MTR: variants seen among roughly 807,000 people sequenced by gnomAD.
MTR encodes the protein methionine synthase.
Under a neutral mutation model 154.8 loss-of-function variants are expected in MTR, and 84 were observed. That is an observed-to-expected ratio of 0.54 (90% CI 0.45 to 0.65). MTR has a LOEUF of 0.65. Among genes scored for constraint, MTR ranks in the 30% least tolerant of loss-of-function variants. MTR has a pLI of 0.00. For missense variants in MTR, 1,275 were observed against 1,570.2 expected (o/e 0.81, Z 3.18); for synonymous variants, 554 against 553.9 (o/e 1.00, Z 0.00).
Position 236,889,188 on chromosome 1 carries a change from C to T in MTR, c.2859C>T (p.Pro953=). Residue 953 remains proline, a synonymous_variant, in exon 28 of 33, where the codon CCC becomes CCT. Transcript: ENST00000366577. ...CATACTTCTCTCCTGTAGTGAAGCC[C>T]ACGTTTATTGGGACCCAGGTCTTTG... The part of the protein sequence containing the change: ...DWLSEPHPVK[P]TFIGTQVFED... The T allele has an allele frequency of 6.2e-7, 1 of 1,614,148 alleles. No homozygotes were observed. The highest frequency in any genetic ancestry group is 8.5e-7 in the Non-Finnish European group (1 of 1,180,030).
intron 2 of MTR, 97 bp downstream of exon 2, chr1:236,803,739 T>A (rs1402182522): frequency 2.5e-6 from 3 of 1,186,506 alleles, no homozygotes. Context: ...CTCCGGAGAA[T>A]AAAGAATAAA....
intron 27 of MTR, among the ~76,000 whole-genome samples, chr1:236,888,192 C>T (rs1368139282): frequency 6.6e-6 from 1 of 152,142 alleles, no homozygotes; most frequent in Admixed American, 6.5e-5. Flanking sequence ...TAGGAAGTTC[C>T]CTGATCCCTG....
chr1:236,861,797 G>T (rs1664560205), intron 20 of MTR, among the ~76,000 whole-genome samples: 1 of 152,158 alleles, frequency 6.6e-6, no homozygotes, highest in Admixed American at 6.5e-5. Context: ...TGGCTGTGCG[G>T]CATTTGAGAA....
chr1:236,805,374 A>G (rs1660921816), intron 2 of MTR, among the ~76,000 whole-genome samples: 1 of 152,188 alleles, frequency 6.6e-6, no homozygotes, highest in Non-Finnish European at 1.5e-5. Context: ...CTGAGATGGT[A>G]TACTTCTCGG....
At chr1:236,870,563 T>G (rs1558325895) in intron 22 of MTR, among the ~76,000 whole-genome samples, 1 of 152,168 alleles carries the variant, frequency 6.6e-6, no homozygotes, top group African/African-American at 2.4e-5. Flanking sequence ...GTGCTGCTGG[T>G]ACAGGAGCAC....
Position 236,828,290 on chromosome 1 carries a change from T to A in MTR, c.996-899T>A, listed in dbSNP as rs564202986. On this transcript the variant is annotated intron_variant, in intron 11 of 32. Transcript: ENST00000366577. ...CCGCGCCTGGCCTAAATGATAATTT[T>A]AAAAATATCTTGTAAATAATTTCTG... Among the ~76,000 whole-genome samples the A allele has an allele frequency of 7.0e-4, 106 of 152,342 alleles. No individual in the cohort carries two copies. The South Asian group carries it at 0.021, about 30-fold the overall frequency.
At chr1:236,831,606 A>G (rs1662616458) in intron 12 of MTR, among the ~76,000 whole-genome samples, 2 of 152,226 alleles carry the variant, frequency 1.3e-5, no homozygotes, top group Admixed American at 6.5e-5. Context: ...CCCTCTTTCA[A>G]TTCTAACTTT....
chr1:236,831,527 T>C (rs182410192), intron 12 of MTR, among the ~76,000 whole-genome samples: 3 of 152,266 alleles, frequency 2.0e-5, no homozygotes, highest in Admixed American at 2.0e-4. Flanking sequence ...AAACACACCA[T>C]TGGTGGGATT....
At chr1:236,875,750 TC>T (rs1196662987) in intron 24 of MTR, among the ~76,000 whole-genome samples, 2 of 152,240 alleles carry the variant, frequency 1.3e-5, no homozygotes, top group African/African-American at 4.8e-5. Flanking sequence ...AGAAAAGTGT[TC>T]CTTTTGCACT....
intron 18 of MTR, among the ~76,000 whole-genome samples, chr1:236,854,831 A>T (rs191466115): frequency 6.6e-6 from 1 of 152,148 alleles, no homozygotes; most frequent in Non-Finnish European, 1.5e-5. Context: ...TCATTTCTGT[A>T]TGTCATGCTG....
intron 18 of MTR, among the ~76,000 whole-genome samples, chr1:236,854,584 G>A (rs1487252396): frequency 6.6e-6 from 1 of 152,130 alleles, no homozygotes; most frequent in African/African-American, 2.4e-5. Context: ...TCTGTTGAAG[G>A]CCAAAGGGGC....
intron 27 of MTR, 22 bp downstream of exon 27, chr1:236,886,389 A>G (rs1013881276): frequency 3.1e-6 from 5 of 1,610,010 alleles, no homozygotes; most frequent in Non-Finnish European, 4.3e-6. Flanking sequence ...TATGGACTAG[A>G]GAAAGACTGG....
chr1:236,801,984 T>C (rs1459078867), intron 1 of MTR, among the ~76,000 whole-genome samples: 1 of 152,222 alleles, frequency 6.6e-6, no homozygotes, highest in African/African-American at 2.4e-5. Context: ...ATGATCTCAT[T>C]TGCATGGATG....
At chr1:236,800,717 C>T (rs947677048) in intron 1 of MTR, among the ~76,000 whole-genome samples, 1 of 152,172 alleles carries the variant, frequency 6.6e-6, no homozygotes, top group African/African-American at 2.4e-5. Flanking sequence ...CCTTGCTGTG[C>T]TATAATACCA....
At chr1:236,832,205 A>C in intron 13 of MTR, 127 bp downstream of exon 13, 1 of 824,514 alleles carries the variant, frequency 1.2e-6, no homozygotes, top group Non-Finnish European at 2.0e-6. Context: ...AGAAGATGGT[A>C]ATGTGTGTTT....
intron 22 of MTR, among the ~76,000 whole-genome samples, chr1:236,866,650 C>G (rs1308452674): frequency 6.6e-6 from 1 of 152,192 alleles, no homozygotes; most frequent in Non-Finnish European, 1.5e-5. Flanking sequence ...CCAAATAGCA[C>G]AGTTTATGCA....
intron 15 of MTR, among the ~76,000 whole-genome samples, chr1:236,846,002 T>G (rs1187370135): frequency 1.3e-5 from 2 of 152,216 alleles, no homozygotes; most frequent in Non-Finnish European, 2.9e-5. Context: ...CCAGCTTTGT[T>G]TCAATATCTG....
intron 22 of MTR, among the ~76,000 whole-genome samples, chr1:236,864,106 T>TAATAAATTATGTTATTATAATAAATTA (rs1664702170): frequency 6.6e-6 from 1 of 152,224 alleles, no homozygotes; most frequent in Non-Finnish European, 1.5e-5. Flanking sequence ...TTAATAAATA[T>TAATAAATTATGTTATTATAATAAATTA]TCATAACAAA....
At chr1:236,861,989 A>G (rs1482486573) in intron 20 of MTR, among the ~76,000 whole-genome samples, 1 of 152,222 alleles carries the variant, frequency 6.6e-6, no homozygotes, top group African/African-American at 2.4e-5. Context: ...AAAACAAGCC[A>G]AAGTTCAGAA....
Sources: allele counts gnomAD v4.1 joint callset (sites outside exome capture counted in the v4.1 genomes callset), GRCh38; gene constraint gnomAD v4.1.1; transcripts MANE v1.5; gene names NCBI Gene and HGNC (gene_info 2026-07-23, HGNC 2026-07-21).